Variants in HDAC9 observed in about 807,000 individuals in gnomAD.
HDAC9 encodes MEF-2 interacting transcription repressor (MITR) protein.
Under a neutral mutation model 139.4 loss-of-function variants are expected in HDAC9, and 41 were observed. The observed-to-expected ratio is 0.29, with a 90% CI of 0.23 to 0.38. HDAC9 has a LOEUF of 0.38. Among genes scored for constraint, HDAC9 ranks in the 10% least tolerant of loss-of-function variants. HDAC9 has a pLI of 1.00. For synonymous variants in HDAC9, 517 were observed against 476.2 expected (o/e 1.09, Z -1.12); for missense variants, 1,147 against 1,297.0 (o/e 0.88, Z 1.78).
chr7:18,218,055 G>GT (rs1188471386), intron 2 of HDAC9, among the ~76,000 whole-genome samples: 4 of 152,128 alleles, frequency 2.6e-5, no homozygotes, highest in South Asian at 2.1e-4. Context: ...AAAGATGTTG[G>GT]TTTTTTTGCC....
upstream of HDAC9, among the ~76,000 whole-genome samples, chr7:18,286,017 G>A (rs1797427552): frequency 6.6e-6 from 1 of 152,046 alleles, no homozygotes; most frequent in South Asian, 2.1e-4. Flanking sequence ...TGTTGAACTA[G>A]CAATTTTCAA....
intron 14 of HDAC9, among the ~76,000 whole-genome samples, chr7:18,750,538 C>G (rs1050274806): frequency 6.6e-6 from 1 of 152,098 alleles, no homozygotes; most frequent in Admixed American, 6.5e-5. Context: ...GGAAAATGAA[C>G]TAGATTTATT....
At chr7:18,257,426 CACACACACACAA>C (rs1210938459) in intron 2 of HDAC9, among the ~76,000 whole-genome samples, 218 of 151,054 alleles carry the variant, frequency 1.4e-3, no homozygotes, top group African/African-American at 5.0e-3. Context: ...CACACACACA[CACACACACACAA>C]AAAGAAAAAA....
intron 1 of HDAC9, among the ~76,000 whole-genome samples, chr7:18,292,543 A>G (rs1797874497): frequency 6.6e-6 from 1 of 152,172 alleles, no homozygotes; most frequent in Non-Finnish European, 1.5e-5. Context: ...TTTGACAAAT[A>G]CAGAGGCGGG....
At position 18,859,811 on chromosome 7, in the gene HDAC9, C is replaced by CATATAT. The variant is rs56249427; in HGVS notation, c.2685-14624_2685-14619dup. On this transcript the variant is annotated intron_variant, in intron 21 of 25. Coordinates refer to ENST00000686413, the MANE Select transcript of HDAC9 (RefSeq NM_178425.4). ...GAAGAAATATAAAGGCTAACGCTCTCATATATATATATATATATATATATA... is the reference window on the plus strand; with the variant it reads ...GAAGAAATATAAAGGCTAACGCTCTCATATATATATATATATATATATATATATATA... Among the ~76,000 whole-genome samples, 385 of 44,802 alleles carry CATATAT rather than the reference C, an allele frequency of 8.6e-3. 7 individuals are homozygous for CATATAT. The highest frequency in any genetic ancestry group is 0.013 in the Non-Finnish European group (260 of 20,142). 29.4% of individuals were successfully genotyped at this position (44,802 alleles called of 152,430 possible).
chr7:18,179,800 TATGTC>T (rs1256136395), intron 2 of HDAC9, among the ~76,000 whole-genome samples: 1 of 152,232 alleles, frequency 6.6e-6, no homozygotes, highest in Non-Finnish European at 1.5e-5. Flanking sequence ...ATTTGGAAAA[TATGTC>T]ATGAATTTGT....
chr7:18,695,982 C>T (rs1044463742), intron 12 of HDAC9, among the ~76,000 whole-genome samples: 7 of 152,168 alleles, frequency 4.6e-5, no homozygotes, highest in Admixed American at 3.9e-4. Flanking sequence ...TGACTATTTT[C>T]CAAAGTGAAC....
chr7:18,111,596 A>G (rs1203928175), intron 1 of HDAC9, among the ~76,000 whole-genome samples: 1 of 152,204 alleles, frequency 6.6e-6, no homozygotes, highest in African/African-American at 2.4e-5. Flanking sequence ...CTATATTACT[A>G]ATAATACCTA....
In HDAC9 at chr7:18,856,339, A is replaced by G. The variant is rs1797678167; in HGVS notation, c.2685-18139A>G. ...TGATTAGATTTTTTAACTGCAAATC[A>G]AACCCCTAAAGTAAGAATCTATCCC... On this transcript the variant is annotated intron_variant, in intron 21 of 25. Coordinates refer to ENST00000686413, the MANE Select transcript of HDAC9 (RefSeq NM_178425.4). Among the ~76,000 whole-genome samples, 5 of 152,256 alleles carry G rather than the reference A, an allele frequency of 3.3e-5. 1 individual carries two copies. In the South Asian group the frequency reaches 1.0e-3, roughly 32 times the overall value.
At chr7:18,234,764 C>T (rs755580224) in intron 2 of HDAC9, among the ~76,000 whole-genome samples, 1 of 152,188 alleles carries the variant, frequency 6.6e-6, no homozygotes, top group Non-Finnish European at 1.5e-5. Context: ...GGAACAAAAT[C>T]CCTCCATTTG....
intron 21 of HDAC9, among the ~76,000 whole-genome samples, chr7:18,854,082 C>T (rs1219853268): frequency 5.9e-5 from 9 of 152,056 alleles, no homozygotes; most frequent in Admixed American, 5.2e-4. Context: ...TTTTTAAAAA[C>T]AAGGTTAAGA....
intron 2 of HDAC9, among the ~76,000 whole-genome samples, chr7:18,501,477 G>A (rs1004976002): frequency 5.3e-5 from 8 of 152,020 alleles, no homozygotes; most frequent in Non-Finnish European, 1.0e-4. Flanking sequence ...TATCTCTTAC[G>A]TTAAGGAAGT....
intron 12 of HDAC9, among the ~76,000 whole-genome samples, chr7:18,682,046 TAAGAA>T (rs1390696951): frequency 6.6e-6 from 1 of 152,058 alleles, no homozygotes; most frequent in Non-Finnish European, 1.5e-5. Flanking sequence ...TTAAATTTAT[TAAGAA>T]AAGGAAATGA....
At chr7:18,640,068 A>G (rs1465273343) in intron 8 of HDAC9, among the ~76,000 whole-genome samples, 1 of 151,972 alleles carries the variant, frequency 6.6e-6, no homozygotes, top group African/African-American at 2.4e-5. Context: ...TAAACTGAAA[A>G]TTCTATATCC....
At chr7:18,897,130 G>GA (rs895739161) in intron 22 of HDAC9, among the ~76,000 whole-genome samples, 2 of 151,022 alleles carry the variant, frequency 1.3e-5, no homozygotes, top group South Asian at 2.1e-4. Flanking sequence ...TTTAAAAATA[G>GA]AAAAAAAATT....
chr7:18,138,003 G>A (rs1187044943), intron 1 of HDAC9, among the ~76,000 whole-genome samples: 1 of 152,034 alleles, frequency 6.6e-6, no homozygotes, highest in African/African-American at 2.4e-5. Flanking sequence ...GGTCTATTCA[G>A]AGATTCAACT....
intron 16 of HDAC9, among the ~76,000 whole-genome samples, chr7:18,781,615 T>C (rs1791253560): frequency 6.6e-6 from 1 of 152,078 alleles, no homozygotes. Context: ...ACTAATAAAT[T>C]AGGCTTTTCT....
At chr7:18,106,221 T>A (rs940408729) in intron 1 of HDAC9, among the ~76,000 whole-genome samples, 6 of 152,186 alleles carry the variant, frequency 3.9e-5, no homozygotes, top group Non-Finnish European at 7.4e-5. Flanking sequence ...ATGTGAATGA[T>A]ACCTCAGAAA....
chr7:18,612,496 T>C (rs1350486766), intron 6 of HDAC9, among the ~76,000 whole-genome samples: 2 of 152,054 alleles, frequency 1.3e-5, no homozygotes, highest in African/African-American at 4.8e-5. Flanking sequence ...ACAGATAATA[T>C]GCATATTAAT....
Sources: gnomAD v4.1 joint callset for allele counts (sites outside exome capture counted in the v4.1 genomes callset) on GRCh38, gnomAD v4.1.1 for gene constraint, MANE v1.5 for transcripts, NCBI Gene and HGNC (gene_info 2026-07-23, HGNC 2026-07-21) for gene names.